Variants in MSR1 observed in about 807,000 individuals in gnomAD.
MSR1 encodes macrophage scavenger receptor 1.
A neutral mutation model predicts 47.2 loss-of-function variants in MSR1; 53 were observed. The ratio of observed to expected loss-of-function variants is 1.12; its 90% CI spans 0.90 to 1.41. The LOEUF (loss-of-function observed/expected upper bound fraction) is 1.41, where lower values mean the gene tolerates loss of function less well. Ranked by LOEUF, MSR1 falls within the 40% of genes most tolerant of loss-of-function variation. The pLI, the probability that MSR1 is intolerant of heterozygous loss-of-function variation, is 0.00. For synonymous variants in MSR1, 239 were observed against 185.6 expected, an observed-to-expected ratio of 1.29 and a Z score of -2.34; for missense variants, 786 against 546.9, an observed-to-expected ratio of 1.44 and a Z score of -4.36.
chr8:16,160,197 A>T (rs1221700894), intron 5 of MSR1, among the ~76,000 whole-genome samples: 3 of 150,648 alleles, frequency 2.0e-5, no homozygotes, highest in Non-Finnish European at 2.9e-5. Context: ...TCTGGGCAGG[A>T]AACAATTGCA....
At chr8:16,131,778 G>T (rs1389019071) in intron 8 of MSR1, among the ~76,000 whole-genome samples, 3 of 151,948 alleles carry the variant, frequency 2.0e-5, no homozygotes, top group African/African-American at 2.4e-5. Flanking sequence ...CTTTGTCAAA[G>T]ATCAAATAGT....
At chr8:16,166,286 T>A (rs1364230421) in intron 4 of MSR1, among the ~76,000 whole-genome samples, 1 of 148,374 alleles carries the variant, frequency 6.7e-6, no homozygotes, top group Non-Finnish European at 1.5e-5. Flanking sequence ...TTCTCCCGAG[T>A]AGCTGGGATT....
chr8:16,190,795 C>T (rs567824056), intron 1 of MSR1, among the ~76,000 whole-genome samples: 2 of 149,276 alleles, frequency 1.3e-5, no homozygotes, highest in Admixed American at 1.4e-4. Context: ...GATCTTGGCT[C>T]ACCACAACCT....
intron 2 of MSR1, among the ~76,000 whole-genome samples, chr8:16,175,806 A>G (rs1026678690): frequency 6.6e-6 from 1 of 152,180 alleles, no homozygotes; most frequent in Non-Finnish European, 1.5e-5. Context: ...ACCTCTTATG[A>G]TTTGAATACA....
chr8:16,161,344 G>A (rs762270613), intron 5 of MSR1, among the ~76,000 whole-genome samples: 6 of 151,966 alleles, frequency 3.9e-5, no homozygotes, highest in East Asian at 1.9e-4. Context: ...AGGCAGATGC[G>A]GGTGGCTAGT....
chr8:16,170,655 G>A (rs1801457631), intron 3 of MSR1, among the ~76,000 whole-genome samples: 2 of 152,104 alleles, frequency 1.3e-5, no homozygotes, highest in African/African-American at 4.8e-5. Flanking sequence ...CATTTTTATA[G>A]ATTTTTGAGA....
At chr8:16,150,949 T>G (rs1429536477) in intron 6 of MSR1, among the ~76,000 whole-genome samples, 1 of 151,974 alleles carries the variant, frequency 6.6e-6, no homozygotes, top group Admixed American at 6.6e-5. Flanking sequence ...GGGTTTCATA[T>G]GCTTAAATGA....
Position 16,120,521 on chromosome 8 carries a change from T to C in MSR1, c.1119A>G (p.Thr373=), listed in dbSNP as rs771341228. 1.9e-6 allele frequency: 3 copies of C among 1,612,106 alleles called. No individual in the cohort carries two copies. The highest frequency in any genetic ancestry group is 1.7e-6 in the Non-Finnish European group (2 of 1,179,668). The part of the protein sequence containing the change: ...VEILHSGQWG[T]ICDDRWEVRV... The stretch of plus-strand genomic sequence containing the variant: ...GCACTTCCCAGCGATCGTCACAAAT[T>C]GTACCCCACTGGCCGCTGTGGAGTA... Residue 373 remains threonine (T), a synonymous_variant, in exon 9 of 10, where the codon ACA becomes ACG. Transcript: ENST00000262101.
chr8:16,170,200 T>C (rs1476294672), intron 3 of MSR1, among the ~76,000 whole-genome samples: 3 of 151,884 alleles, frequency 2.0e-5, no homozygotes, highest in African/African-American at 4.8e-5. Context: ...ATACAAAAAT[T>C]AGCCAGGCGT....
rs1374746393 is a variant in MSR1, at chr8:16,150,413, A to T, written c.899-102T>A. 6.0e-6 allele frequency: 3 copies of T among 495,878 alleles called. No individual in the cohort carries two copies. In the Admixed American group the frequency reaches 1.1e-4, roughly 19 times the overall value. The allele number at this position is 495,878 out of a possible 1,614,324, so 30.7% of individuals were successfully genotyped here. A position where few individuals can be genotyped will look rare whatever the true frequency, so the allele number is the denominator to read the frequency against. ...GTTTTATAAGTGAATATGAAATTAG[A>T]GAATCTTCAAATGAAGGAATAATAT... On this transcript the variant is annotated intron_variant, in intron 6 of 9. Coordinates refer to ENST00000262101, the MANE Select transcript of MSR1 (RefSeq NM_138715.3).
chr8:16,171,463 C>A (rs1045560304), intron 3 of MSR1, among the ~76,000 whole-genome samples: 1 of 152,002 alleles, frequency 6.6e-6, no homozygotes, highest in Non-Finnish European at 1.5e-5. Flanking sequence ...CTCTACATGT[C>A]TTAACGTATC....
At chr8:16,139,956 A>G (rs1265855445) in intron 8 of MSR1, 2 of 413,742 alleles carry the variant, frequency 4.8e-6, no homozygotes, top group East Asian at 3.0e-4. Context: ...AGTATAGCTT[A>G]GATGTATTGT....
At chr8:16,145,297 G>A (rs1800667544) in intron 7 of MSR1, among the ~76,000 whole-genome samples, 1 of 152,148 alleles carries the variant, frequency 6.6e-6, no homozygotes, top group African/African-American at 2.4e-5. Context: ...TATATTTTGA[G>A]AGCATGCTTT....
At chr8:16,132,689 T>G (rs34662269) in intron 8 of MSR1, among the ~76,000 whole-genome samples, 1,569 of 152,238 alleles carry the variant, frequency 0.01, 12 homozygotes, top group Non-Finnish European at 0.017. Flanking sequence ...TTTTGCCATT[T>G]GGCCAGGCTG....
intron 8 of MSR1, among the ~76,000 whole-genome samples, chr8:16,130,786 A>C (rs146305707): frequency 6.6e-6 from 1 of 152,046 alleles, no homozygotes; most frequent in East Asian, 2.0e-4. Flanking sequence ...TCCAGTTCCA[A>C]CCATATTCCT....
chr8:16,158,525 A>C (rs1430290401), intron 5 of MSR1, among the ~76,000 whole-genome samples: 1 of 151,990 alleles, frequency 6.6e-6, no homozygotes. Context: ...GTTTTTATTC[A>C]TTATGAGCAT....
chr8:16,185,397 C>T (rs1350355928), intron 1 of MSR1, among the ~76,000 whole-genome samples: 1 of 152,120 alleles, frequency 6.6e-6, no homozygotes, highest in East Asian at 1.9e-4. Flanking sequence ...TCTACAGCAA[C>T]CTAACTTTTC....
intron 1 of MSR1, among the ~76,000 whole-genome samples, chr8:16,180,278 C>CA (rs146462373): frequency 0.019 from 2,872 of 152,144 alleles, 90 homozygotes; most frequent in African/African-American, 0.065. Flanking sequence ...ATTTTATGTG[C>CA]ATACTAAGCA....
At chr8:16,140,007 G>T (rs1800510216) in intron 8 of MSR1, 1 of 623,804 alleles carries the variant, frequency 1.6e-6, no homozygotes, top group Non-Finnish European at 2.0e-6. Context: ...GGGACAATTA[G>T]CTCTGTAAAA....
Sources: gnomAD v4.1 joint callset for allele counts (sites outside exome capture counted in the v4.1 genomes callset) on GRCh38, gnomAD v4.1.1 for gene constraint, MANE v1.5 for transcripts, NCBI Gene and HGNC (gene_info 2026-07-23, HGNC 2026-07-21) for gene names.